Variants in FBXO44 observed in about 807,000 individuals in gnomAD.
FBXO44 encodes F-box only protein 44.
A neutral mutation model predicts 33.5 loss-of-function variants in FBXO44; 25 were observed. The ratio of observed to expected loss-of-function variants is 0.75; its 90% CI spans 0.54 to 1.04. FBXO44 has a LOEUF of 1.04. Among genes scored for constraint, FBXO44 ranks in the 50% least tolerant of loss-of-function variants. The pLI is 0.00. For synonymous variants in FBXO44, 147 were observed against 152.8 expected (o/e 0.96, Z 0.28); for missense variants, 311 against 344.0 (o/e 0.90, Z 0.76).
intron 2 of FBXO44, 34 bp from the exon 3 acceptor site, chr1:11,658,233 C>T: frequency 6.2e-7 from 1 of 1,610,616 alleles, no homozygotes. Context: ...CACTGAGGGG[C>T]TTCCCTTCAG....
At chr1:11,657,845 TA>T (rs1426951613) in intron 2 of FBXO44, among the ~76,000 whole-genome samples, 1 of 152,176 alleles carries the variant, frequency 6.6e-6, no homozygotes, top group Non-Finnish European at 1.5e-5. Flanking sequence ...CCACAAGTCC[TA>T]AAACATTTTG....
rs200677687 is a variant in FBXO44 at position 11,658,259 on chromosome 1, T to G, written c.266-8T>G. 9.0e-5 allele frequency: 146 copies of G among 1,613,422 alleles called. 1 individual carries two copies. The highest frequency in any genetic ancestry group is 8.9e-4 in the South Asian group (81 of 91,026). ...TTCCCTTCAGTGTGAACTCTGCTTT[T>G]CCATCAGAGGGGTTCGAGTTCTGGA... is the stretch of plus-strand genomic sequence containing the variant. On this transcript the variant is annotated splice_polypyrimidine_tract_variant and splice_region_variant and intron_variant, in intron 2 of 5. Transcript: ENST00000251547.
chr1:11,657,639 G>A (rs1304625571), intron 2 of FBXO44, among the ~76,000 whole-genome samples: 5 of 152,298 alleles, frequency 3.3e-5, no homozygotes, highest in East Asian at 1.9e-4. Flanking sequence ...TACTCGGGAG[G>A]CTGAAGCAGG....
At chr1:11,659,753 C>T in intron 5 of FBXO44, among the ~76,000 whole-genome samples, 1 of 152,332 alleles carries the variant, frequency 6.6e-6, no homozygotes, top group African/African-American at 2.4e-5. Flanking sequence ...GCCTCAGCCT[C>T]CCAAAGTGCT....
chr1:11,654,440 C>G (rs1030051847), upstream of FBXO44: 56 of 1,218,290 alleles, frequency 4.6e-5, no homozygotes, highest in Non-Finnish European at 5.5e-5. Context: ...GTGTCGGTCC[C>G]GGCGACCGCG....
chr1:11,658,566 G>A lies in FBXO44; in HGVS notation c.426G>A (p.Lys142=). ...TCLKSQVVDL[K]AEGYWEELMD... is the part of the protein sequence containing the mutation. ...TCAAGTCCCAGGTGGTGGACCTCAA[G>A]GCCGAAGGGTATTGGGAGGAGCTGA... The change falls in exon 4 of 6, where the codon AAG becomes AAA. Residue 142 remains lysine (K), a synonymous_variant. Transcript: ENST00000251547. 1 of 1,613,418 alleles carries A rather than the reference G, an allele frequency of 6.2e-7. No individual in the cohort carries two copies. The highest frequency in any genetic ancestry group is 1.1e-5 in the South Asian group (1 of 91,050).
rs775615508 is a variant in FBXO44 at position 11,658,551 on chromosome 1, G to A, written c.411G>A (p.Gln137=). The part of the protein sequence containing the change: ...VTSYYTCLKS[Q]VVDLKAEGYW... ...CCCCCAGCACCTGCCTCAAGTCCCA[G>A]GTGGTGGACCTCAAGGCCGAAGGGT... Residue 137 remains glutamine, a synonymous_variant, in exon 4 of 6, where the codon CAG becomes CAA. Coordinates refer to ENST00000251547, the MANE Select transcript of FBXO44 (RefSeq NM_033182.7). 6.2e-6 allele frequency: 10 copies of A among 1,613,062 alleles called. No homozygotes were observed. The African/African-American group carries it at 1.2e-4, about 19-fold the overall frequency.
intron 2 of FBXO44, among the ~76,000 whole-genome samples, chr1:11,656,553 C>A (rs1206933119): frequency 6.6e-6 from 1 of 151,736 alleles, no homozygotes; most frequent in Non-Finnish European, 1.5e-5. Context: ...CCTCCACCTC[C>A]TGGGTTCAAG....
At chr1:11,654,434 C>A, upstream of FBXO44, 2 of 1,243,280 alleles carry the variant, frequency 1.6e-6, no homozygotes, top group South Asian at 4.8e-5. Context: ...GCGTCTGTGT[C>A]GGTCCCGGCG....
upstream of FBXO44, chr1:11,654,473 A>G: frequency 1.1e-6 from 1 of 891,986 alleles, no homozygotes; most frequent in Non-Finnish European, 1.5e-6. Flanking sequence ...CCCCGACCCG[A>G]CCCGCCCCGC....
chr1:11,658,489 C>T lies in FBXO44; in HGVS notation c.393-44C>T. On this transcript the variant is annotated intron_variant, in intron 3 of 5. Coordinates refer to ENST00000251547, the MANE Select transcript of FBXO44 (RefSeq NM_033182.7). ...GGGGCAGTCCTAGCCCCTCACTGCCCTAGTGGTGAGCCCAGCCCCTCCCAC... is the reference window on the plus strand; with the variant it reads ...GGGGCAGTCCTAGCCCCTCACTGCCTTAGTGGTGAGCCCAGCCCCTCCCAC... 4 of 1,608,878 alleles carry T rather than the reference C, an allele frequency of 2.5e-6. No homozygotes were observed. In the East Asian group the frequency reaches 8.9e-5, roughly 36 times the overall value.
In FBXO44 at chr1:11,662,435, G is replaced by A. The variant is rs1415287229; in HGVS notation, c.*1162G>A. On this transcript the variant is annotated 3_prime_UTR_variant, in exon 6 of 6. Coordinates refer to ENST00000251547, the MANE Select transcript of FBXO44 (RefSeq NM_033182.7). ...CAGGCCATCACAGAAACAGGTTCAT[G>A]GGCAGACCCCTCAGTGAGCTGCAGG... The A allele has an allele frequency of 2.6e-5, 4 of 152,278 alleles. No individual in the cohort carries two copies. The highest frequency in any genetic ancestry group is 5.9e-5 in the Non-Finnish European group (4 of 68,092). The allele number at this position is 152,278 out of a possible 1,614,324, so 9.4% of individuals were successfully genotyped here.
In FBXO44 at chr1:11,655,937, C is replaced by T. The variant is rs1253050570; in HGVS notation, c.102C>T (p.Cys34=). 6.2e-7 allele frequency: 1 copy of T among 1,613,948 alleles called. No individual in the cohort carries two copies. The highest frequency in any genetic ancestry group is 1.3e-5 in the African/African-American group (1 of 74,926). ...RQLLLNCRLV[C]SLWRDLIDLV... is the part of the protein sequence containing the mutation. ...TGCTGCTGAACTGCCGCCTGGTCTG[C>T]AGCCTCTGGCGGGACCTCATCGACC... Residue 34 remains cysteine (C), a synonymous_variant, in exon 2 of 6, where the codon TGC becomes TGT. Transcript: ENST00000251547.
In FBXO44 at chr1:11,658,816, C is replaced by G. The variant is rs1177136420; in HGVS notation, c.569C>G (p.Thr190Ser). The G allele has an allele frequency of 6.2e-7, 1 of 1,613,366 alleles. No homozygotes were observed. The highest frequency in any genetic ancestry group is 8.5e-7 in the Non-Finnish European group (1 of 1,180,012). The change falls in exon 5 of 6, where the codon ACC becomes AGC. Residue 190 changes from threonine to serine, a missense_variant. Transcript: ENST00000251547. The stretch of plus-strand genomic sequence containing the variant: ...TCGTCCGCGCACGCGCCTCTGGGGA[C>G]CTTCCAGCCAGACCCGGCGACCATC... ...LLSSAHAPLG[T>S]FQPDPATIQQ... is the part of the protein sequence containing the mutation.
At chr1:11,657,938 A>T (rs1557660805) in intron 2 of FBXO44, among the ~76,000 whole-genome samples, 1 of 152,136 alleles carries the variant, frequency 6.6e-6, no homozygotes, top group East Asian at 1.9e-4. Flanking sequence ...GAGGAAAAGC[A>T]ACTGGTCCAA....
chr1:11,658,505 C>A (rs748800749), intron 3 of FBXO44, 28 bp from the exon 4 acceptor site: 2 of 1,607,764 alleles, frequency 1.2e-6, no homozygotes, highest in East Asian at 4.5e-5. Flanking sequence ...GTGAGCCCAG[C>A]CCCTCCCACC....
At chr1:11,658,230 G>A in intron 2 of FBXO44, 37 bp from the exon 3 acceptor site, 1 of 1,610,050 alleles carries the variant, frequency 6.2e-7, no homozygotes, top group Non-Finnish European at 8.5e-7. Flanking sequence ...GGCCACTGAG[G>A]GGCTTCCCTT....
intron 3 of FBXO44, 41 bp from the exon 4 acceptor site, chr1:11,658,492 G>A: frequency 5.6e-6 from 9 of 1,609,364 alleles, no homozygotes; most frequent in Non-Finnish European, 7.6e-6. Flanking sequence ...CACTGCCCTA[G>A]TGGTGAGCCC....
At chr1:11,659,256 A>G (rs980226585) in intron 5 of FBXO44, among the ~76,000 whole-genome samples, 1 of 152,194 alleles carries the variant, frequency 6.6e-6, no homozygotes, top group African/African-American at 2.4e-5. Flanking sequence ...GCGTGGTGGC[A>G]CATGCCAGCT....
Sources: allele counts gnomAD v4.1 joint callset (sites outside exome capture counted in the v4.1 genomes callset), GRCh38; gene constraint gnomAD v4.1.1; transcripts MANE v1.5; gene names NCBI Gene and HGNC (gene_info 2026-07-23, HGNC 2026-07-21).